Variants in IMMP2L observed in about 807,000 individuals in gnomAD.
The protein encoded by IMMP2L is inner mitochondrial membrane peptidase subunit 2, also known as mitochondrial inner membrane protease subunit 2.
A neutral mutation model predicts 19.3 loss-of-function variants in IMMP2L; 18 were observed. The observed-to-expected ratio is 0.93, with a 90% CI of 0.64 to 1.38. IMMP2L has a LOEUF of 1.38. IMMP2L is among the 40% of genes most tolerant of loss of function. The pLI, the probability that IMMP2L is intolerant of heterozygous loss-of-function variation, is 0.00. For missense variants in IMMP2L, 233 were observed against 218.2 expected (o/e 1.07, Z -0.43); for synonymous variants, 76 against 73.0 (o/e 1.04, Z -0.21).
At position 111,517,344 on chromosome 7, in the gene IMMP2L, G is replaced by C. The variant is rs184392490; in HGVS notation, c.135+3969C>G. On this transcript the variant is annotated intron_variant, in intron 2 of 5. Coordinates refer to ENST00000405709, the MANE Select transcript of IMMP2L (RefSeq NM_032549.4). ...TACATTATCTCTAAGGTCTGACCTA[G>C]AGATACAGTATTGTGTAGCAGTGTT... 4.6e-5 allele frequency among the ~76,000 whole-genome samples: 7 copies of C among 151,636 alleles called. No homozygotes were observed. The East Asian group carries it at 1.4e-3, about 29-fold the overall frequency.
chr7:111,321,118 T>C (rs1824654080), intron 3 of IMMP2L, among the ~76,000 whole-genome samples: 2 of 152,030 alleles, frequency 1.3e-5, no homozygotes, highest in Admixed American at 1.3e-4. Flanking sequence ...GAGTTTGTCA[T>C]AAATTTCAGG....
At chr7:111,089,534 G>C (rs1156832482) in intron 3 of IMMP2L, among the ~76,000 whole-genome samples, 1 of 152,004 alleles carries the variant, frequency 6.6e-6, no homozygotes, top group Non-Finnish European at 1.5e-5. Context: ...AAATTAAGGG[G>C]TAAGAAGGAT....
At chr7:111,200,761 T>C (rs1810017332) in intron 3 of IMMP2L, among the ~76,000 whole-genome samples, 1 of 151,944 alleles carries the variant, frequency 6.6e-6, no homozygotes, top group Admixed American at 6.6e-5. Context: ...AGAGAAACAG[T>C]TCATGGAGAT....
chr7:111,281,255 GAGAA>G (rs1297244039), intron 3 of IMMP2L, among the ~76,000 whole-genome samples: 4 of 131,944 alleles, frequency 3.0e-5, no homozygotes, highest in East Asian at 4.0e-4. Flanking sequence ...AAGAGAGAGA[GAGAA>G]AGAGAGAGAG....
intron 3 of IMMP2L, among the ~76,000 whole-genome samples, chr7:111,133,848 G>A (rs912202093): frequency 2.6e-5 from 4 of 151,896 alleles, no homozygotes; most frequent in Non-Finnish European, 4.4e-5. Context: ...CCTCATAAGC[G>A]TACTCTCAGA....
At chr7:110,888,258 ATCAG>A (rs1195145734) in intron 4 of IMMP2L, among the ~76,000 whole-genome samples, 2 of 152,206 alleles carry the variant, frequency 1.3e-5, no homozygotes, top group Non-Finnish European at 2.9e-5. Flanking sequence ...TTCAATTAAA[ATCAG>A]TCAATTAGTT....
At chr7:111,419,351 G>C (rs1835263741) in intron 3 of IMMP2L, among the ~76,000 whole-genome samples, 1 of 151,476 alleles carries the variant, frequency 6.6e-6, no homozygotes, top group South Asian at 2.1e-4. Context: ...TTTTTTAAAA[G>C]GAAGAAAAAA....
intron 4 of IMMP2L, among the ~76,000 whole-genome samples, chr7:110,951,464 C>T (rs560854406): frequency 9.4e-5 from 14 of 148,926 alleles, no homozygotes; most frequent in Middle Eastern, 3.4e-3. Flanking sequence ...AGAAGCCAAA[C>T]GGAAAATTAG....
At chr7:110,685,751 G>C (rs988034558) in intron 5 of IMMP2L, among the ~76,000 whole-genome samples, 5 of 151,904 alleles carry the variant, frequency 3.3e-5, no homozygotes, top group African/African-American at 1.2e-4. Context: ...CTTTGAAGGA[G>C]CTTTTCTATA....
chr7:110,762,785 A>G (rs948740398), intron 5 of IMMP2L, among the ~76,000 whole-genome samples: 1 of 152,076 alleles, frequency 6.6e-6, no homozygotes, highest in Non-Finnish European at 1.5e-5. Context: ...GTCTTTTATA[A>G]GCAATACAAT....
intron 5 of IMMP2L, among the ~76,000 whole-genome samples, chr7:110,748,963 A>C (rs936108508): frequency 2.0e-5 from 3 of 152,250 alleles, no homozygotes; most frequent in Non-Finnish European, 4.4e-5. Flanking sequence ...TGAACAGCCA[A>C]CCTACAGAAT....
chr7:111,183,251 CTA>C (rs1238583879), intron 3 of IMMP2L, among the ~76,000 whole-genome samples: 1 of 151,976 alleles, frequency 6.6e-6, no homozygotes, highest in Non-Finnish European at 1.5e-5. Flanking sequence ...TAAAATATCT[CTA>C]TGCTGAAACG....
At chr7:110,729,708 T>C (rs7801850) in intron 5 of IMMP2L, among the ~76,000 whole-genome samples, 57,731 of 152,080 alleles carry the variant, frequency 0.38, 11,819 homozygotes, top group African/African-American at 0.55. Flanking sequence ...GGGAGCTGAA[T>C]GATGAAAACA....
intron 5 of IMMP2L, among the ~76,000 whole-genome samples, chr7:110,677,674 C>T (rs964446349): frequency 7.9e-5 from 12 of 151,804 alleles, no homozygotes; most frequent in African/African-American, 2.9e-4. Flanking sequence ...AAGAACTATG[C>T]TGAAGGCAAA....
intron 2 of IMMP2L, among the ~76,000 whole-genome samples, chr7:111,491,002 T>C (rs1843050916): frequency 6.6e-6 from 1 of 152,052 alleles, no homozygotes; most frequent in Non-Finnish European, 1.5e-5. Context: ...CCACCTCTTC[T>C]ACATCTGCCA....
intron 4 of IMMP2L, among the ~76,000 whole-genome samples, chr7:110,947,634 A>G (rs1313264084): frequency 6.6e-6 from 1 of 152,156 alleles, no homozygotes; most frequent in African/African-American, 2.4e-5. Context: ...TTGGCTTTCC[A>G]TCCTACTAAA....
At chr7:111,125,799 T>G (rs1470421266) in intron 3 of IMMP2L, among the ~76,000 whole-genome samples, 1 of 151,316 alleles carries the variant, frequency 6.6e-6, no homozygotes, top group South Asian at 2.1e-4. Context: ...TAGCAGTAGC[T>G]TAGTTTTAGG....
chr7:111,289,100 G>A (rs1235974168), intron 3 of IMMP2L, among the ~76,000 whole-genome samples: 2 of 152,102 alleles, frequency 1.3e-5, no homozygotes, highest in African/African-American at 2.4e-5. Context: ...AAAAAAGGAT[G>A]AGTTCGTGTC....
chr7:111,498,370 AAGAC>A lies in IMMP2L; in HGVS notation c.136-11033_136-11030del, dbSNP rs1237376834. Among the ~76,000 whole-genome samples the A allele has an allele frequency of 4.6e-5, 7 of 152,292 alleles. No homozygotes were observed. In the South Asian group the frequency reaches 8.3e-4, roughly 18 times the overall value. On this transcript the variant is annotated intron_variant, in intron 2 of 5. Coordinates refer to ENST00000405709, the MANE Select transcript of IMMP2L (RefSeq NM_032549.4). ...ATAAACATATCTGCATATTAACCTG[AAGAC>A]AGACTGCTATATATAAAATAAGCCA...
Sources: allele counts gnomAD v4.1 joint callset (sites outside exome capture counted in the v4.1 genomes callset), GRCh38; gene constraint gnomAD v4.1.1; transcripts MANE v1.5; gene names NCBI Gene and HGNC (gene_info 2026-07-23, HGNC 2026-07-21).